Variants in CADM2 observed in about 807,000 individuals in gnomAD.
CADM2 encodes immunoglobulin superfamily member 4D.
Under a neutral mutation model 49.8 loss-of-function variants are expected in CADM2, and 12 were observed. That is an observed-to-expected ratio of 0.24 (90% CI 0.15 to 0.39). The LOEUF (loss-of-function observed/expected upper bound fraction) is 0.39. Ranked by LOEUF, CADM2 falls within the 10% of genes least tolerant of loss-of-function variation. The pLI is 1.00. For synonymous variants in CADM2, 214 were observed against 175.4 expected (o/e 1.22, Z -1.74); for missense variants, 378 against 492.3 (o/e 0.77, Z 2.20).
intron 1 of CADM2, among the ~76,000 whole-genome samples, chr3:85,212,890 T>TCTCTCTCTCTCTCTCTCTCTCTC (rs1423004326): frequency 4.6e-5 from 4 of 86,952 alleles, no homozygotes; most frequent in South Asian, 7.2e-4. Context: ...TTCTTTCTCT[T>TCTCTCTCTCTCTCTCTCTCTCTC]TCTTTCTTTT....
At chr3:85,293,373 G>C (rs536025935) in intron 1 of CADM2, among the ~76,000 whole-genome samples, 2 of 149,824 alleles carry the variant, frequency 1.3e-5, no homozygotes, top group East Asian at 1.9e-4. Flanking sequence ...GGAGGAACTG[G>C]TACCATTCCT....
At chr3:85,896,467 T>G (rs1351260465) in intron 5 of CADM2, among the ~76,000 whole-genome samples, 2 of 152,200 alleles carry the variant, frequency 1.3e-5, no homozygotes, top group Non-Finnish European at 2.9e-5. Context: ...CCATTTCTCA[T>G]GATGTGTACA....
intron 6 of CADM2, among the ~76,000 whole-genome samples, chr3:85,923,679 A>T (rs142816953): frequency 1.3e-5 from 2 of 152,302 alleles, no homozygotes; most frequent in Non-Finnish European, 2.9e-5. Context: ...GGATTAGGTA[A>T]CAGTGATGAT....
intron 1 of CADM2, among the ~76,000 whole-genome samples, chr3:85,547,654 T>A (rs2061699679): frequency 6.6e-6 from 1 of 151,992 alleles, no homozygotes; most frequent in Non-Finnish European, 1.5e-5. Flanking sequence ...ATGTTAGGAG[T>A]CACTGTAACA....
At chr3:85,481,769 G>A (rs570966378) in intron 1 of CADM2, among the ~76,000 whole-genome samples, 15 of 150,564 alleles carry the variant, frequency 1.0e-4, no homozygotes, top group African/African-American at 3.6e-4. Context: ...ACCAATCAAA[G>A]TGAAACTTTC....
Position 85,064,523 on chromosome 3 carries a change from T to C in CADM2, c.61+104855T>C, listed in dbSNP as rs183424799. On this transcript the variant is annotated intron_variant, in intron 1 of 9. Coordinates refer to ENST00000383699, the MANE Select transcript of CADM2 (RefSeq NM_001167675.2). ...TTTCGGATGTTTTACCCTGAACTAG[T>C]AGTTGGTAAATAGACCTACATATTT... Among the ~76,000 whole-genome samples the C allele has an allele frequency of 2.2e-3, 330 of 152,226 alleles. 2 individuals are homozygous for C. Among genetic ancestry groups the C allele is most frequent in the Middle Eastern group, 0.01 (3 of 294 alleles).
At chr3:85,690,746 A>G (rs1460143665) in intron 1 of CADM2, among the ~76,000 whole-genome samples, 2 of 152,192 alleles carry the variant, frequency 1.3e-5, no homozygotes, top group African/African-American at 4.8e-5. Flanking sequence ...TCTTTTTTAG[A>G]AAAGACCTTT....
intron 8 of CADM2, among the ~76,000 whole-genome samples, chr3:85,988,894 C>A (rs1419368656): frequency 6.6e-6 from 1 of 152,068 alleles, no homozygotes; most frequent in Non-Finnish European, 1.5e-5. Context: ...AAAGAGAAAG[C>A]AACTGTGAAC....
intron 1 of CADM2, among the ~76,000 whole-genome samples, chr3:84,975,201 A>C (rs367754067): frequency 6.6e-6 from 1 of 151,870 alleles, no homozygotes; most frequent in African/African-American, 2.4e-5. Flanking sequence ...CCTGATAGTC[A>C]AAAATAAAAC....
At chr3:85,903,590 C>T (rs1261129922) in intron 5 of CADM2, among the ~76,000 whole-genome samples, 1 of 151,966 alleles carries the variant, frequency 6.6e-6, no homozygotes, top group Non-Finnish European at 1.5e-5. Context: ...TAAAAGTACC[C>T]GTTGTTGTTG....
chr3:85,306,995 T>C (rs1223369229), intron 1 of CADM2, among the ~76,000 whole-genome samples: 1 of 151,654 alleles, frequency 6.6e-6, no homozygotes, highest in Admixed American at 6.6e-5. Context: ...TTTATCCCCA[T>C]AGAAACGTTG....
chr3:85,694,583 A>G (rs139039068), intron 1 of CADM2, among the ~76,000 whole-genome samples: 1 of 152,362 alleles, frequency 6.6e-6, no homozygotes, highest in African/African-American at 2.4e-5. Flanking sequence ...AAAATATGCA[A>G]TATGAATATA....
intron 1 of CADM2, among the ~76,000 whole-genome samples, chr3:85,420,262 A>C (rs9861269): frequency 0.82 from 124,047 of 152,076 alleles, 51,504 homozygotes; most frequent in East Asian, 0.95. Flanking sequence ...CTTCTAATAC[A>C]CTCTTGACTT....
chr3:85,364,369 CT>C (rs1225486536), intron 1 of CADM2, among the ~76,000 whole-genome samples: 8 of 152,162 alleles, frequency 5.3e-5, no homozygotes, highest in African/African-American at 1.9e-4. Flanking sequence ...AAACTCACGC[CT>C]GTTATATTTG....
chr3:85,923,583 C>G (rs537192677), intron 6 of CADM2, among the ~76,000 whole-genome samples: 78 of 148,870 alleles, frequency 5.2e-4, no homozygotes, highest in African/African-American at 1.8e-3. Flanking sequence ...GCAAACAGAA[C>G]TACAATATGG....
At chr3:85,753,097 A>C (rs1171079386) in intron 2 of CADM2, among the ~76,000 whole-genome samples, 8 of 152,164 alleles carry the variant, frequency 5.3e-5, no homozygotes, top group Admixed American at 3.3e-4. Context: ...AACATGACAG[A>C]ATTTGTTAAA....
At chr3:85,076,257 T>C (rs1262963232) in intron 1 of CADM2, among the ~76,000 whole-genome samples, 1 of 151,650 alleles carries the variant, frequency 6.6e-6, no homozygotes, top group African/African-American at 2.4e-5. Flanking sequence ...ATGAGAAATA[T>C]GATTCTAGCC....
rs4410440 is a variant in CADM2, at chr3:86,068,241, G to A, written c.*1458G>A. On this transcript the variant is annotated 3_prime_UTR_variant, in exon 10 of 10. Transcript: ENST00000383699. The stretch of plus-strand genomic sequence containing the variant: ...CTCTGGATTATTTTAAAATTTTGGC[G>A]TGTTTAACCATTAAGAAATGCTGTA... 1,803 of 152,358 alleles carry A rather than the reference G, an allele frequency of 0.012. 35 individuals are homozygous for A. Among genetic ancestry groups the A allele is most frequent in the East Asian group, 0.066 (343 of 5,184 alleles). 9.4% of individuals were successfully genotyped at this position (152,358 alleles called of 1,614,324 possible). A position where few individuals can be genotyped will look rare whatever the true frequency, so the allele number is the denominator to read the frequency against.
At chr3:85,221,805 T>C (rs1361042018) in intron 1 of CADM2, among the ~76,000 whole-genome samples, 3 of 152,180 alleles carry the variant, frequency 2.0e-5, no homozygotes, top group Non-Finnish European at 2.9e-5. Context: ...GAGCAAGGCA[T>C]GACATCTTTG....
Sources: gnomAD v4.1 joint callset for allele counts (sites outside exome capture counted in the v4.1 genomes callset) on GRCh38, gnomAD v4.1.1 for gene constraint, MANE v1.5 for transcripts, NCBI Gene and HGNC (gene_info 2026-07-23, HGNC 2026-07-21) for gene names.